The following CDK14 variants were observed in gnomAD, a reference collection of about 807,000 sequenced individuals.
CDK14 encodes cyclin-dependent kinase 14.
In CDK14, 34 loss-of-function variants were observed where a neutral mutation model predicts 60.7. The ratio of observed to expected loss-of-function variants is 0.56; its 90% CI spans 0.43 to 0.75. The LOEUF is 0.75. CDK14 is among the 30% of genes least tolerant of loss of function. The pLI is 0.00. For synonymous variants in CDK14, 197 were observed against 203.7 expected (o/e 0.97, Z 0.28); for missense variants, 482 against 564.1 (o/e 0.85, Z 1.47).
At chr7:91,017,912 A>G (rs777752202) in intron 10 of CDK14, among the ~76,000 whole-genome samples, 10 of 152,114 alleles carry the variant, frequency 6.6e-5, no homozygotes, top group Non-Finnish European at 1.0e-4. Context: ...GCTTCATCCA[A>G]TTTCGGGGAT....
rs111697821 is a variant in CDK14 at position 91,137,688 on chromosome 7, T to TGGGG, written c.*28+19483_*28+19486dup. On this transcript the variant is annotated intron_variant, in intron 14 of 14. Coordinates refer to ENST00000380050, the MANE Select transcript of CDK14 (RefSeq NM_001287135.2). ...TATGAGCTCTACTTCTAAAGACTTG[T>TGGGG]GGGGGGTGTGTGTGTGTGTGTGTGT... is the stretch of plus-strand genomic sequence containing the variant. 5.1e-3 allele frequency among the ~76,000 whole-genome samples: 194 copies of TGGGG among 37,828 alleles called. 3 individuals carry two copies. The highest frequency in any genetic ancestry group is 0.044 in the East Asian group (129 of 2,958). The allele number at this position is 37,828 out of a possible 152,430, so 24.8% of individuals were successfully genotyped here. A position where few individuals can be genotyped will look rare whatever the true frequency, so the allele number is the denominator to read the frequency against.
At chr7:91,166,180 C>T (rs925109016) in intron 14 of CDK14, among the ~76,000 whole-genome samples, 1 of 152,170 alleles carries the variant, frequency 6.6e-6, no homozygotes, top group Non-Finnish European at 1.5e-5. Flanking sequence ...AAATGCATAT[C>T]TGGATTCCTA....
intron 10 of CDK14, among the ~76,000 whole-genome samples, chr7:90,999,124 C>T (rs892001221): frequency 6.6e-6 from 1 of 152,004 alleles, no homozygotes; most frequent in African/African-American, 2.4e-5. Context: ...TCCCAAAGGC[C>T]CCATCTCCAA....
At chr7:90,694,543 T>C (rs887388256) in intron 2 of CDK14, among the ~76,000 whole-genome samples, 1 of 152,208 alleles carries the variant, frequency 6.6e-6, no homozygotes, top group Admixed American at 6.5e-5. Flanking sequence ...TTGAAGTTTG[T>C]ATTGGATAAA....
intron 4 of CDK14, among the ~76,000 whole-genome samples, chr7:90,789,013 A>G (rs898279981): frequency 1.1e-4 from 17 of 152,164 alleles, no homozygotes; most frequent in Admixed American, 9.2e-4. Context: ...TGCTTCTCCA[A>G]TATTCATCAG....
chr7:90,689,321 A>G (rs1801506346), intron 2 of CDK14, among the ~76,000 whole-genome samples: 1 of 152,154 alleles, frequency 6.6e-6, no homozygotes, highest in African/African-American at 2.4e-5. Flanking sequence ...TACAGATTAG[A>G]TACTATTAAT....
At chr7:91,062,207 G>T (rs1382944455) in intron 11 of CDK14, among the ~76,000 whole-genome samples, 1 of 152,180 alleles carries the variant, frequency 6.6e-6, no homozygotes, top group Non-Finnish European at 1.5e-5. Context: ...GCCAGGTGTG[G>T]GATACAATGT....
At chr7:90,782,526 C>G (rs1805384108) in intron 4 of CDK14, among the ~76,000 whole-genome samples, 1 of 152,044 alleles carries the variant, frequency 6.6e-6, no homozygotes, top group African/African-American at 2.4e-5. Flanking sequence ...CAAATGGGAG[C>G]CTCTGGAATC....
chr7:90,616,941 G>A (rs79793735), intron 2 of CDK14, among the ~76,000 whole-genome samples: 10 of 150,394 alleles, frequency 6.6e-5, no homozygotes, highest in Non-Finnish European at 1.5e-4. Context: ...TTTTTTTTCA[G>A]GCAAGATAGT....
chr7:91,197,291 T>C (rs1424996910), intron 14 of CDK14, among the ~76,000 whole-genome samples: 1 of 151,654 alleles, frequency 6.6e-6, no homozygotes, highest in Admixed American at 6.6e-5. Context: ...TCCCAGCTAC[T>C]CTGGAGGCTG....
intron 10 of CDK14, among the ~76,000 whole-genome samples, chr7:91,017,582 C>T (rs1001314726): frequency 3.3e-5 from 5 of 152,126 alleles, no homozygotes; most frequent in African/African-American, 1.2e-4. Context: ...GGTGGTGCTG[C>T]CTGAATGATG....
intron 9 of CDK14, among the ~76,000 whole-genome samples, chr7:90,979,049 G>T (rs564440327): frequency 2.6e-5 from 4 of 152,230 alleles, no homozygotes; most frequent in African/African-American, 9.6e-5. Context: ...TGCAGGACAT[G>T]TGGTTTCTGT....
At chr7:91,141,764 G>A (rs890693945) in intron 14 of CDK14, among the ~76,000 whole-genome samples, 1 of 152,038 alleles carries the variant, frequency 6.6e-6, no homozygotes, top group Non-Finnish European at 1.5e-5. Context: ...AACAGATACT[G>A]CCCGTATACC....
chr7:90,977,306 A>G (rs556299703), intron 9 of CDK14, among the ~76,000 whole-genome samples: 2 of 152,264 alleles, frequency 1.3e-5, no homozygotes, highest in South Asian at 2.1e-4. Context: ...TTGCCAGGGA[A>G]GAAGCCTTTA....
intron 9 of CDK14, among the ~76,000 whole-genome samples, chr7:90,982,267 C>A (rs930909960): frequency 6.6e-6 from 1 of 152,110 alleles, no homozygotes; most frequent in East Asian, 1.9e-4. Context: ...TGCATTTAAA[C>A]AGGATTATAG....
intron 8 of CDK14, among the ~76,000 whole-genome samples, chr7:90,919,895 T>C (rs1420749280): frequency 6.6e-6 from 1 of 152,238 alleles, no homozygotes; most frequent in Non-Finnish European, 1.5e-5. Context: ...TTTAAAGCAT[T>C]TGGTTCTTAT....
chr7:91,132,033 C>A lies in CDK14; in HGVS notation c.*28+13825C>A, dbSNP rs146413902. ...GGTTGGTTGGTTGGTTTTTTAGCAA[C>A]CACTATATTGGTGCTCTACTAGACA... On this transcript the variant is annotated intron_variant, in intron 14 of 14. Coordinates refer to ENST00000380050, the MANE Select transcript of CDK14 (RefSeq NM_001287135.2). Among the ~76,000 whole-genome samples the A allele has an allele frequency of 4.0e-5, 5 of 124,246 alleles. No homozygotes were observed. In the East Asian group the frequency reaches 1.1e-3, roughly 27 times the overall value. 81.5% of individuals were successfully genotyped at this position (124,246 alleles called of 152,430 possible). A position where few individuals can be genotyped will look rare whatever the true frequency, so the allele number is the denominator to read the frequency against.
At chr7:91,165,834 CAT>C (rs1237015059) in intron 14 of CDK14, among the ~76,000 whole-genome samples, 2 of 152,178 alleles carry the variant, frequency 1.3e-5, no homozygotes, top group Non-Finnish European at 1.5e-5. Flanking sequence ...AGTAATCAAT[CAT>C]AGATTTATTG....
Position 90,723,733 on chromosome 7 carries a change from G to A in CDK14, c.124-2834G>A, listed in dbSNP as rs374301565. Among the ~76,000 whole-genome samples the A allele has an allele frequency of 1.6e-3, 244 of 152,274 alleles. 1 individual carries two copies. Among genetic ancestry groups the A allele is most frequent in the Middle Eastern group, 6.8e-3 (2 of 294 alleles). On this transcript the variant is annotated intron_variant, in intron 2 of 14. Transcript: ENST00000380050. ...CTGCCTACCACTGTATTTTAAAATGGTGAATTACAGATTTGTGAATGTTAA... is the reference window on the plus strand; with the variant it reads ...CTGCCTACCACTGTATTTTAAAATGATGAATTACAGATTTGTGAATGTTAA...
Sources: gnomAD v4.1 joint callset for allele counts (sites outside exome capture counted in the v4.1 genomes callset) on GRCh38, gnomAD v4.1.1 for gene constraint, MANE v1.5 for transcripts, NCBI Gene and HGNC (gene_info 2026-07-23, HGNC 2026-07-21) for gene names.